Variants in DLGAP1 observed in about 807,000 individuals in gnomAD.
The protein encoded by DLGAP1 is DLG associated protein 1.
Under a neutral mutation model 90.8 loss-of-function variants are expected in DLGAP1, and 11 were observed. The observed-to-expected ratio is 0.12, with a 90% CI of 0.08 to 0.20. DLGAP1 has a LOEUF of 0.20. Ranked by LOEUF, DLGAP1 falls within the 10% of genes least tolerant of loss-of-function variation. The probability of loss-of-function intolerance (pLI) is 1.00; values close to 1 mark genes in which losing one functional copy is unlikely to be tolerated. For missense variants in DLGAP1, 1,050 were observed against 1,333.8 expected (o/e 0.79, Z 3.31); for synonymous variants, 558 against 540.7 (o/e 1.03, Z -0.44).
intron 3 of DLGAP1, chr18:3,896,214 G>A (rs2071619159): frequency 6.6e-6 from 1 of 152,154 alleles, no homozygotes; most frequent in Non-Finnish European, 1.5e-5. Flanking sequence ...ACAACTAGTA[G>A]GCAGCTAAGC....
At chr18:3,860,101 A>AAAATAAAT (rs61248778) in intron 4 of DLGAP1, among the ~76,000 whole-genome samples, 8,017 of 144,354 alleles carry the variant, frequency 0.056, 685 homozygotes, top group African/African-American at 0.17. Context: ...TCTGTCTCAA[A>AAAATAAAT]AAATAAATAA....
At chr18:4,317,280 G>A (rs2080555495) in intron 1 of DLGAP1, among the ~76,000 whole-genome samples, 1 of 152,026 alleles carries the variant, frequency 6.6e-6, no homozygotes, top group Non-Finnish European at 1.5e-5. Flanking sequence ...ACATTCACCG[G>A]CTTATTTAAT....
intron 7 of DLGAP1, among the ~76,000 whole-genome samples, chr18:3,718,853 G>C (rs569146887): frequency 2.2e-4 from 34 of 151,638 alleles, no homozygotes; most frequent in African/African-American, 7.8e-4. Flanking sequence ...TTGAACCCGG[G>C]AGGTGGAGGT....
At chr18:3,948,711 T>G (rs2072923067) in intron 3 of DLGAP1, among the ~76,000 whole-genome samples, 1 of 152,152 alleles carries the variant, frequency 6.6e-6, no homozygotes, top group African/African-American at 2.4e-5. Context: ...CTCTCAGTCA[T>G]AAGTGGAAGC....
chr18:4,069,433 C>A (rs894434921), intron 2 of DLGAP1, among the ~76,000 whole-genome samples: 1 of 152,154 alleles, frequency 6.6e-6, no homozygotes, highest in East Asian at 1.9e-4. Flanking sequence ...AAATTGTAAT[C>A]CCCGATGTTG....
intron 2 of DLGAP1, among the ~76,000 whole-genome samples, chr18:4,150,749 T>C (rs962403114): frequency 6.6e-6 from 1 of 152,360 alleles, no homozygotes; most frequent in African/African-American, 2.4e-5. Context: ...TTGCCTTTCT[T>C]AGCACACTTA....
At chr18:4,393,887 C>A (rs571073513) in intron 1 of DLGAP1, among the ~76,000 whole-genome samples, 1 of 152,238 alleles carries the variant, frequency 6.6e-6, no homozygotes, top group East Asian at 1.9e-4. Context: ...ACAGGGTTTG[C>A]GCTCCTGTGA....
At chr18:4,066,297 A>C (rs2075368873) in intron 2 of DLGAP1, among the ~76,000 whole-genome samples, 1 of 152,134 alleles carries the variant, frequency 6.6e-6, no homozygotes, top group South Asian at 2.1e-4. Context: ...CAACAAAAGC[A>C]AAAGTAGACA....
chr18:4,270,173 G>A (rs1472864805), intron 1 of DLGAP1, among the ~76,000 whole-genome samples: 3 of 152,176 alleles, frequency 2.0e-5, no homozygotes, highest in South Asian at 2.1e-4. Flanking sequence ...ACTGCACTGT[G>A]TCATCACTAA....
intron 5 of DLGAP1, among the ~76,000 whole-genome samples, chr18:3,753,244 G>C (rs865798649): frequency 7.2e-5 from 11 of 152,270 alleles, no homozygotes; most frequent in South Asian, 2.1e-4. Flanking sequence ...GATTTAACTT[G>C]GGGATATGCC....
At chr18:3,998,426 A>G (rs763351901) in intron 3 of DLGAP1, among the ~76,000 whole-genome samples, 1 of 152,124 alleles carries the variant, frequency 6.6e-6, no homozygotes. Flanking sequence ...CAGAGTTCTG[A>G]TATCACCAAA....
At chr18:3,972,733 A>G (rs2073480037) in intron 3 of DLGAP1, among the ~76,000 whole-genome samples, 1 of 152,148 alleles carries the variant, frequency 6.6e-6, no homozygotes, top group Non-Finnish European at 1.5e-5. Context: ...CTCCTGTGAC[A>G]CCATCACAGC....
chr18:4,212,862 A>G (rs1313955881), intron 1 of DLGAP1, among the ~76,000 whole-genome samples: 1 of 152,154 alleles, frequency 6.6e-6, no homozygotes, highest in African/African-American at 2.4e-5. Context: ...AAAATGTTTC[A>G]GGAAGGCCTG....
chr18:3,605,352 A>T (rs1298078883), intron 7 of DLGAP1, among the ~76,000 whole-genome samples: 1 of 152,228 alleles, frequency 6.6e-6, no homozygotes, highest in African/African-American at 2.4e-5. Flanking sequence ...GTTTTTAATC[A>T]GGCAGAGCAC....
At chr18:3,895,133 G>C (rs556356463) in intron 3 of DLGAP1, among the ~76,000 whole-genome samples, 1 of 152,284 alleles carries the variant, frequency 6.6e-6, no homozygotes, top group African/African-American at 2.4e-5. Context: ...ACTCTTGTAA[G>C]ATGAGTATGT....
intron 2 of DLGAP1, among the ~76,000 whole-genome samples, chr18:4,087,750 A>C (rs150201772): frequency 6.6e-6 from 1 of 152,284 alleles, no homozygotes; most frequent in East Asian, 1.9e-4. Flanking sequence ...TTTTACATTT[A>C]TATGCTATAT....
chr18:4,177,981 A>G (rs2077139890), intron 1 of DLGAP1, among the ~76,000 whole-genome samples: 1 of 151,996 alleles, frequency 6.6e-6, no homozygotes, highest in Admixed American at 6.6e-5. Flanking sequence ...AACTTTCCAG[A>G]CATACATCCC....
At position 3,880,284 on chromosome 18, in the gene DLGAP1, A is replaced by C; in HGVS notation, c.-72-144T>G. 8.3e-6 allele frequency: 5 copies of C among 604,872 alleles called. No homozygotes were observed. The Admixed American group carries it at 1.5e-4, about 18-fold the overall frequency. The allele number at this position is 604,872 out of a possible 1,614,324, so 37.5% of individuals were successfully genotyped here. A position where few individuals can be genotyped will look rare whatever the true frequency, so the allele number is the denominator to read the frequency against. On this transcript the variant is annotated intron_variant, in intron 3 of 12. Coordinates refer to ENST00000315677, the MANE Select transcript of DLGAP1 (RefSeq NM_004746.4). The stretch of plus-strand genomic sequence containing the variant: ...CTGCAGCCTCCACATCCTGGGCTCA[A>C]GCCATCCTTCCACACCAGCCTCCCG...
chr18:3,711,081 G>C lies in DLGAP1; in HGVS notation c.1591+18054C>G, dbSNP rs548933068. Reference sequence around the variant, plus strand: ...GAAACACGACAGAGGAAGTCAGAGAGCCAGGAGGGGCCGCCCTGGGCAAGG... The same window carrying C: ...GAAACACGACAGAGGAAGTCAGAGACCCAGGAGGGGCCGCCCTGGGCAAGG... On this transcript the variant is annotated intron_variant, in intron 7 of 12. Transcript: ENST00000315677. This position sits in a 1 kb window ranked among gnomAD's most constrained non-coding sequence, Gnocchi z 4.0. 6.6e-6 allele frequency among the ~76,000 whole-genome samples: 1 copy of C among 152,348 alleles called. No individual in the cohort carries two copies. Among genetic ancestry groups the C allele is most frequent in the South Asian group, 2.1e-4 (1 of 4,830 alleles).
Sources: gnomAD v4.1 joint callset for allele counts (sites outside exome capture counted in the v4.1 genomes callset) on GRCh38, gnomAD v4.1.1 for gene constraint, Gnocchi (gnomAD v3.1) non-coding constraint, MANE v1.5 for transcripts, NCBI Gene and HGNC (gene_info 2026-07-23, HGNC 2026-07-21) for gene names.